The following VPS50 variants were observed in gnomAD, a reference collection of about 807,000 sequenced individuals.
The protein encoded by VPS50 is syndetin.
VPS50 carries 70 observed loss-of-function variants against 139.7 expected under a neutral mutation model. That is an observed-to-expected ratio of 0.50 (90% CI 0.41 to 0.61). VPS50 has a LOEUF of 0.61. Among genes scored for constraint, VPS50 ranks in the 20% least tolerant of loss-of-function variants. The probability of loss-of-function intolerance (pLI) is 0.00; values close to 1 mark genes in which losing one functional copy is unlikely to be tolerated. For synonymous variants in VPS50, 365 were observed against 376.7 expected (o/e 0.97, Z 0.36); for missense variants, 921 against 1,133.7 (o/e 0.81, Z 2.69).
At chr7:93,277,278 A>G (rs931273742) in intron 12 of VPS50, among the ~76,000 whole-genome samples, 2 of 152,190 alleles carry the variant, frequency 1.3e-5, no homozygotes, top group Admixed American at 6.5e-5. Flanking sequence ...GAGTCTGAAT[A>G]TGGTAATATT....
chr7:93,296,886 G>T, intron 15 of VPS50, 50 bp downstream of exon 15: 1 of 1,533,886 alleles, frequency 6.5e-7, no homozygotes, highest in South Asian at 1.3e-5. Flanking sequence ...ATTCAACCAT[G>T]ATAAATCATG....
At position 93,341,625 on chromosome 7, in the gene VPS50, A is replaced by C. The variant is rs751251948; in HGVS notation, c.2207+50A>C. ...TGCCATTAAATATTTAAGAAACTTT[A>C]TAAAAGAAGCATTGTTTAATTAGAC... is the stretch of plus-strand genomic sequence containing the variant. On this transcript the variant is annotated intron_variant, in intron 23 of 27. Transcript: ENST00000305866. 3.8e-6 allele frequency: 5 copies of C among 1,316,160 alleles called. No homozygotes were observed. The African/African-American group carries it at 7.6e-5, about 20-fold the overall frequency. 81.5% of individuals were successfully genotyped at this position (1,316,160 alleles called of 1,614,324 possible).
intron 2 of VPS50, among the ~76,000 whole-genome samples, chr7:93,250,734 A>G (rs1299582656): frequency 6.6e-6 from 1 of 152,216 alleles, no homozygotes; most frequent in African/African-American, 2.4e-5. Flanking sequence ...CAGCAAAAGA[A>G]ATTACCATCA....
chr7:93,307,759 A>G (rs925039419), intron 18 of VPS50, among the ~76,000 whole-genome samples: 1 of 151,886 alleles, frequency 6.6e-6, no homozygotes, highest in Non-Finnish European at 1.5e-5. Context: ...TATAAGTATA[A>G]AGGAGTACCT....
chr7:93,336,869 T>G (rs10230971), intron 22 of VPS50, among the ~76,000 whole-genome samples: 12,712 of 152,198 alleles, frequency 0.084, 561 homozygotes, highest in East Asian at 0.16. Context: ...TCCAGAAAAA[T>G]TCATAAATAT....
intron 12 of VPS50, among the ~76,000 whole-genome samples, chr7:93,286,192 T>C (rs1447757667): frequency 6.6e-6 from 1 of 151,468 alleles, no homozygotes; most frequent in Non-Finnish European, 1.5e-5. Flanking sequence ...TTCTTATCTA[T>C]TCTTAAAAAA....
chr7:93,304,408 T>C (rs1409208598), intron 17 of VPS50, among the ~76,000 whole-genome samples: 1 of 151,740 alleles, frequency 6.6e-6, no homozygotes, highest in African/African-American at 2.4e-5. Flanking sequence ...TATATTGTTT[T>C]CCTATTATAG....
chr7:93,358,260 A>C (rs985514005), intron 27 of VPS50, 57 bp from the exon 28 acceptor site: 132 of 1,537,746 alleles, frequency 8.6e-5, no homozygotes, highest in Non-Finnish European at 1.1e-4. Flanking sequence ...CTTTTGTTGC[A>C]CTGATCAGAT....
chr7:93,293,988 A>G (rs1442921011), intron 13 of VPS50, among the ~76,000 whole-genome samples: 1 of 152,220 alleles, frequency 6.6e-6, no homozygotes, highest in Non-Finnish European at 1.5e-5. Flanking sequence ...ATAAATGTGT[A>G]TGTGTCTTTT....
chr7:93,297,029 T>A, intron 15 of VPS50, 116 bp from the exon 16 acceptor site: 1 of 1,459,242 alleles, frequency 6.9e-7, no homozygotes, highest in East Asian at 2.8e-5. Flanking sequence ...TCTTTAGAAT[T>A]TTTTCACATG....
intron 22 of VPS50, among the ~76,000 whole-genome samples, chr7:93,335,115 T>C (rs750024233): frequency 1.2e-4 from 18 of 152,354 alleles, no homozygotes; most frequent in Non-Finnish European, 1.6e-4. Context: ...TGGGAATTCA[T>C]CAGTGCACAG....
At chr7:93,278,587 T>C (rs900095937) in intron 12 of VPS50, among the ~76,000 whole-genome samples, 1 of 124,542 alleles carries the variant, frequency 8.0e-6, no homozygotes, top group Non-Finnish European at 1.6e-5. Flanking sequence ...ACAGACTCTG[T>C]CTCAAAAAAA....
At chr7:93,292,608 A>G (rs774567114) in intron 13 of VPS50, among the ~76,000 whole-genome samples, 1 of 152,064 alleles carries the variant, frequency 6.6e-6, no homozygotes, top group African/African-American at 2.4e-5. Context: ...TATTGTAGCT[A>G]TTCAATCAAG....
chr7:93,345,192 T>A (rs569571141), intron 23 of VPS50, among the ~76,000 whole-genome samples: 11 of 152,366 alleles, frequency 7.2e-5, no homozygotes, highest in Non-Finnish European at 1.2e-4. Context: ...CAGAGAATAC[T>A]ACAAACACCT....
Position 93,349,989 on chromosome 7 carries a change from G to T in VPS50, c.2419G>T (p.Glu807Ter). ...LMANVKWDVK[E>*]IMSQHNIYVD... The stretch of plus-strand genomic sequence containing the variant: ...GGCTAATGTGAAATGGGATGTAAAA[G>T]AAATTATGTCACAGCACAACATATA... Residue 807 changes from glutamate (E) to a stop codon, truncating the protein, a stop_gained, in exon 25 of 28, where the codon GAA (glutamate) becomes TAA (stop). Transcript: ENST00000305866. LOFTEE classifies it high-confidence loss of function. 1.9e-6 allele frequency: 3 copies of T among 1,613,280 alleles called. No homozygotes were observed. Among genetic ancestry groups the T allele is most frequent in the Non-Finnish European group, 2.5e-6 (3 of 1,179,378 alleles).
chr7:93,320,322 CT>C (rs756872187), intron 20 of VPS50: 1,592 of 126,070 alleles, frequency 0.013, 18 homozygotes, highest in African/African-American at 0.041. Flanking sequence ...TGCCCCCCGT[CT>C]TTTTTTTTTT....
chr7:93,329,809 C>T (rs560608823), intron 21 of VPS50, among the ~76,000 whole-genome samples: 3 of 151,778 alleles, frequency 2.0e-5, no homozygotes, highest in East Asian at 1.9e-4. Flanking sequence ...AAACGTCATT[C>T]GAGAATGAAA....
intron 9 of VPS50, among the ~76,000 whole-genome samples, chr7:93,266,643 T>C (rs1459130972): frequency 2.0e-5 from 3 of 152,212 alleles, no homozygotes; most frequent in Non-Finnish European, 4.4e-5. Context: ...CAGACCGCTT[T>C]TAAAGGCTTT....
intron 9 of VPS50, among the ~76,000 whole-genome samples, chr7:93,267,834 C>T (rs750874488): frequency 2.0e-5 from 3 of 152,104 alleles, no homozygotes; most frequent in South Asian, 2.1e-4. Context: ...GTGCACAGTA[C>T]GTATGTCTAA....
Sources: gnomAD v4.1 joint callset for allele counts (sites outside exome capture counted in the v4.1 genomes callset) on GRCh38, gnomAD v4.1.1 for gene constraint, MANE v1.5 for transcripts, NCBI Gene and HGNC (gene_info 2026-07-23, HGNC 2026-07-21) for gene names.